Variants in SNX9 observed in about 807,000 individuals in gnomAD.
SNX9 encodes the protein sorting nexin 9.
In SNX9, 44 loss-of-function variants were observed where a neutral mutation model predicts 89.4. The observed-to-expected ratio is 0.49, with a 90% confidence interval of 0.39 to 0.63. The LOEUF (loss-of-function observed/expected upper bound fraction) is 0.63, where lower values mean the gene tolerates loss of function less well. SNX9 is among the 30% of genes least tolerant of loss of function. SNX9 has a pLI of 0.00. For synonymous variants in SNX9, 236 were observed against 247.8 expected (o/e 0.95, Z 0.45); for missense variants, 578 against 736.1 (o/e 0.79, Z 2.49).
intron 1 of SNX9, among the ~76,000 whole-genome samples, chr6:157,865,007 CAGAG>C (rs1293113209): frequency 1.3e-5 from 2 of 150,610 alleles, no homozygotes; most frequent in Admixed American, 1.3e-4. Context: ...AGCCTGGCGA[CAGAG>C]AGAGACTCTG....
chr6:157,848,908 G>A (rs1001155392), intron 1 of SNX9, among the ~76,000 whole-genome samples: 1 of 152,180 alleles, frequency 6.6e-6, no homozygotes, highest in African/African-American at 2.4e-5. Flanking sequence ...AGTAGGATTT[G>A]GTCAGGTGAA....
intron 1 of SNX9, among the ~76,000 whole-genome samples, chr6:157,848,883 G>A (rs140777792): frequency 3.0e-4 from 45 of 152,402 alleles, no homozygotes; most frequent in African/African-American, 9.6e-4. Flanking sequence ...CATCTAAGCT[G>A]AGACCTGAAA....
intron 9 of SNX9, 111 bp downstream of exon 9, chr6:157,910,136 G>A: frequency 1.2e-6 from 1 of 821,890 alleles, no homozygotes; most frequent in Non-Finnish European, 2.1e-6. Flanking sequence ...GCAGGATGCA[G>A]GAGTTGGAAA....
At chr6:157,836,106 T>C (rs913431155) in intron 1 of SNX9, among the ~76,000 whole-genome samples, 8 of 151,884 alleles carry the variant, frequency 5.3e-5, no homozygotes, top group Non-Finnish European at 1.2e-4. Context: ...TAATATTTAA[T>C]TTTTTGTTTG....
At chr6:157,926,310 A>G (rs1033007727) in intron 10 of SNX9, among the ~76,000 whole-genome samples, 6 of 152,154 alleles carry the variant, frequency 3.9e-5, no homozygotes, top group South Asian at 2.1e-4. Flanking sequence ...TCGTTAGGCA[A>G]GTATTCACTT....
At chr6:157,910,176 AC>A (rs1397375153) in intron 9 of SNX9, 151 bp downstream of exon 9, 6 of 655,338 alleles carry the variant, frequency 9.2e-6, no homozygotes, top group African/African-American at 7.3e-5. Flanking sequence ...TGAAGAGAGA[AC>A]CATTGCATGT....
intron 1 of SNX9, among the ~76,000 whole-genome samples, chr6:157,828,651 G>A (rs1781427007): frequency 6.6e-6 from 1 of 152,030 alleles, no homozygotes; most frequent in Admixed American, 6.6e-5. Context: ...GCACCACCAT[G>A]CCCAGCTACT....
chr6:157,930,163 G>A (rs891159149), intron 12 of SNX9, among the ~76,000 whole-genome samples: 2 of 152,132 alleles, frequency 1.3e-5, no homozygotes, highest in African/African-American at 4.8e-5. Context: ...TCCTCTACTA[G>A]CAGTAATACC....
chr6:157,828,208 A>G (rs1277135593), intron 1 of SNX9, among the ~76,000 whole-genome samples: 2 of 133,672 alleles, frequency 1.5e-5, no homozygotes, highest in African/African-American at 3.3e-5. Flanking sequence ...TGTCTTAAGT[A>G]GAGTGTGCAG....
intron 4 of SNX9, among the ~76,000 whole-genome samples, chr6:157,894,649 A>G (rs558689433): frequency 7.2e-5 from 11 of 152,290 alleles, no homozygotes; most frequent in African/African-American, 2.6e-4. Context: ...TAAATTACTC[A>G]AAGGAATTAT....
At chr6:157,918,171 T>C (rs1783512499) in intron 9 of SNX9, among the ~76,000 whole-genome samples, 1 of 152,188 alleles carries the variant, frequency 6.6e-6, no homozygotes, top group Non-Finnish European at 1.5e-5. Flanking sequence ...TTGCCAATTT[T>C]CTTTCTAGTT....
In SNX9 at chr6:157,823,426, C is replaced by G. The variant is rs1377523386; in HGVS notation, c.-9C>G. ...AGCCGGCCGTCCCGGGCCGGGGGAC[C>G]CGCCCGCCATGGCCACCAAGGTGAG... On this transcript the variant is annotated 5_prime_UTR_variant, in exon 1 of 18. Transcript: ENST00000392185. This position sits in a 1 kb window ranked among gnomAD's most constrained non-coding sequence, Gnocchi z 4.6. 7.1e-5 allele frequency: 89 copies of G among 1,248,360 alleles called. No individual in the cohort carries two copies. In the East Asian group the frequency reaches 2.5e-3, roughly 35 times the overall value. The allele number at this position is 1,248,360 out of a possible 1,614,324, so 77.3% of individuals were successfully genotyped here. A position where few individuals can be genotyped will look rare whatever the true frequency, so the allele number is the denominator to read the frequency against.
At chr6:157,927,609 G>A (rs1192844220) in intron 11 of SNX9, among the ~76,000 whole-genome samples, 1 of 149,668 alleles carries the variant, frequency 6.7e-6, no homozygotes, top group Non-Finnish European at 1.5e-5. Flanking sequence ...TTAATCTGTT[G>A]ATTGATTTTA....
At chr6:157,940,524 TCTC>T (rs1410725066) in intron 16 of SNX9, among the ~76,000 whole-genome samples, 3 of 152,172 alleles carry the variant, frequency 2.0e-5, no homozygotes, top group Non-Finnish European at 2.9e-5. Flanking sequence ...TTCAAGCAAT[TCTC>T]CTGCCTCGGC....
Position 157,944,756 on chromosome 6 carries a change from A to C in SNX9, c.*1918A>C, listed in dbSNP as rs923186202. 6.6e-6 allele frequency: 1 copy of C among 152,190 alleles called. No individual in the cohort carries two copies. Among genetic ancestry groups the C allele is most frequent in the Non-Finnish European group, 1.5e-5 (1 of 68,048 alleles). 9.4% of individuals were successfully genotyped at this position (152,190 alleles called of 1,614,324 possible). A position where few individuals can be genotyped will look rare whatever the true frequency, so the allele number is the denominator to read the frequency against. On this transcript the variant is annotated 3_prime_UTR_variant, in exon 18 of 18. Transcript: ENST00000392185. ...CAGTCTCCCAGTGTCTGACTCTCGG[A>C]TATTTGGATTTGACTGGTGTGAGGC... is the stretch of plus-strand genomic sequence containing the variant.
intron 1 of SNX9, among the ~76,000 whole-genome samples, chr6:157,841,264 A>G (rs1253764810): frequency 6.6e-6 from 1 of 152,200 alleles, no homozygotes; most frequent in Non-Finnish European, 1.5e-5. Flanking sequence ...TCATGCTGAA[A>G]AATTCCACAT....
chr6:157,910,061 T>C lies in SNX9; in HGVS notation c.949+36T>C, dbSNP rs185646992. ...GTAATGCTAAACCCAGGATGACAAA[T>C]AGAAAGACTCCAGTCAGATTATCTT... On this transcript the variant is annotated intron_variant, in intron 9 of 17. Coordinates refer to ENST00000392185, the MANE Select transcript of SNX9 (RefSeq NM_016224.5). 1.8e-4 allele frequency: 270 copies of C among 1,483,908 alleles called. 2 individuals are homozygous for C. In the African/African-American group the frequency reaches 3.3e-3, roughly 18 times the overall value. 91.9% of individuals were successfully genotyped at this position (1,483,908 alleles called of 1,614,324 possible).
At chr6:157,902,739 T>C (rs374297037) in intron 6 of SNX9, among the ~76,000 whole-genome samples, 5 of 152,232 alleles carry the variant, frequency 3.3e-5, no homozygotes, top group Admixed American at 2.6e-4. Flanking sequence ...GCGATCTTGG[T>C]TCACTGCAAC....
rs1478507877 is a variant in SNX9 at position 157,826,776 on chromosome 6, ATATAT to A, written c.12+3341_12+3345del. Among the ~76,000 whole-genome samples, 13 of 84,708 alleles carry A rather than the reference ATATAT, an allele frequency of 1.5e-4. 1 individual carries two copies. The highest frequency in any genetic ancestry group is 9.1e-4 in the East Asian group (4 of 4,414). The allele number at this position is 84,708 out of a possible 152,430, so 55.6% of individuals were successfully genotyped here. A position where few individuals can be genotyped will look rare whatever the true frequency, so the allele number is the denominator to read the frequency against. ...GGTTTTATATATATATGATATATAA[ATATAT>A]TATATTATATATATATATTATATTT... is the stretch of plus-strand genomic sequence containing the variant. On this transcript the variant is annotated intron_variant, in intron 1 of 17. Coordinates refer to ENST00000392185, the MANE Select transcript of SNX9 (RefSeq NM_016224.5).
Sources: allele counts gnomAD v4.1 joint callset (sites outside exome capture counted in the v4.1 genomes callset), GRCh38; gene constraint gnomAD v4.1.1; non-coding constraint Gnocchi (gnomAD v3.1); transcripts MANE v1.5; gene names NCBI Gene and HGNC (gene_info 2026-07-23, HGNC 2026-07-21).